CCDC57: variants seen among roughly 807,000 people sequenced by gnomAD.
CCDC57 encodes coiled-coil domain containing 57.
A neutral mutation model predicts 118.9 loss-of-function variants in CCDC57; 118 were observed. The observed-to-expected ratio is 0.99, with a 90% CI of 0.86 to 1.16. CCDC57 has a LOEUF of 1.16. CCDC57 is among the 50% of genes most tolerant of loss of function. CCDC57 has a pLI of 0.00. For synonymous variants in CCDC57, 527 were observed against 532.9 expected, an observed-to-expected ratio of 0.99 and a Z score of 0.15; for missense variants, 1,300 against 1,320.7, an observed-to-expected ratio of 0.98 and a Z score of 0.24.
At chr17:82,204,282 T>A (rs2049338686) in intron 2 of CCDC57, among the ~76,000 whole-genome samples, 1 of 152,076 alleles carries the variant, frequency 6.6e-6, no homozygotes, top group Non-Finnish European at 1.5e-5. Context: ...CTACCGACCA[T>A]CTCAGCACTC....
At chr17:82,125,612 C>G (rs1271418137) in intron 19 of CCDC57, among the ~76,000 whole-genome samples, 1 of 152,030 alleles carries the variant, frequency 6.6e-6, no homozygotes, top group Non-Finnish European at 1.5e-5. Flanking sequence ...CTGACCTCAA[C>G]TGATCCACCT....
chr17:82,157,149 C>T (rs2042775634), intron 15 of CCDC57: 1 of 153,598 alleles, frequency 6.5e-6, no homozygotes, highest in African/African-American at 2.4e-5. Flanking sequence ...TCGGCTCTGC[C>T]AAGCTGCAGA....
At chr17:82,143,853 C>A (rs924203401) in intron 16 of CCDC57, among the ~76,000 whole-genome samples, 4 of 151,294 alleles carry the variant, frequency 2.6e-5, no homozygotes, top group African/African-American at 7.3e-5. Flanking sequence ...AATCCCAGAA[C>A]TTCAGGAGGC....
intron 16 of CCDC57, among the ~76,000 whole-genome samples, chr17:82,137,545 C>T (rs1325132105): frequency 3.9e-5 from 6 of 152,134 alleles, no homozygotes; most frequent in Non-Finnish European, 5.9e-5. Flanking sequence ...CTTTTTGTCA[C>T]TTTCACGTGG....
rs71166198 is a variant in CCDC57 at position 82,184,031 on chromosome 17, G to GCACACACA, written c.1053-107_1053-100dup. The GCACACACA allele has an allele frequency of 2.5e-3, 333 of 131,798 alleles. 8 individuals carry two copies. The highest frequency in any genetic ancestry group is 4.7e-3 in the African/African-American group (111 of 23,706). 8.2% of individuals were successfully genotyped at this position (131,798 alleles called of 1,614,324 possible). A position where few individuals can be genotyped will look rare whatever the true frequency, so the allele number is the denominator to read the frequency against. On this transcript the variant is annotated intron_variant, in intron 8 of 19. Transcript: ENST00000665763. Reference sequence around the variant, plus strand: ...CAAATACACATGCGCGCGCGCGCGCGCACACACACACACACACACACACAC... The same window carrying GCACACACA: ...CAAATACACATGCGCGCGCGCGCGCGCACACACACACACACACACACACACACACACAC...
intron 17 of CCDC57, among the ~76,000 whole-genome samples, chr17:82,128,923 T>C (rs1305542087): frequency 6.9e-6 from 1 of 145,842 alleles, no homozygotes; most frequent in Non-Finnish European, 1.5e-5. Context: ...TGCTTTTTTG[T>C]TTTTTTTTTT....
chr17:82,183,149 A>G (rs1226706244), intron 9 of CCDC57, among the ~76,000 whole-genome samples: 1 of 152,250 alleles, frequency 6.6e-6, no homozygotes, highest in Non-Finnish European at 1.5e-5. Flanking sequence ...AAATGATATC[A>G]TACAGCATAC....
exon 20 of CCDC57, chr17:82,101,541 AG>A (rs2144829827): frequency 1.4e-6 from 1 of 707,806 alleles, no homozygotes; most frequent in East Asian, 2.8e-5. Context: ...TCGCCTCAGC[AG>A]CATTTGGGAG....
chr17:82,123,982 C>CAAAAAAAAAAAAAAAAAAAAAAAAAAAAA, intron 19 of CCDC57, among the ~76,000 whole-genome samples: 1 of 64,304 alleles, frequency 1.6e-5, no homozygotes, highest in Non-Finnish European at 2.9e-5. Context: ...CATCCAAAAG[C>CAAAAAAAAAAAAAAAAAAAAAAAAAAAAA]AAAAAAAAAA....
In CCDC57 at chr17:82,193,967, G is replaced by A. The variant is rs1451673690; in HGVS notation, c.776+15C>T. 6.2e-7 allele frequency: 1 copy of A among 1,601,336 alleles called. No individual in the cohort carries two copies. The highest frequency in any genetic ancestry group is 1.3e-5 in the African/African-American group (1 of 74,642). ...TGCCACAGAGCACGCCTCGGGAGAT[G>A]AAGGACTCGCGCACCGGGCGCGGCT... On this transcript the variant is annotated intron_variant, in intron 6 of 19. Transcript: ENST00000665763.
intron 5 of CCDC57, among the ~76,000 whole-genome samples, chr17:82,194,926 G>A (rs965976161): frequency 1.6e-4 from 24 of 152,260 alleles, no homozygotes; most frequent in African/African-American, 5.5e-4. Flanking sequence ...GGCTGCGCCC[G>A]GCATGGGCAG....
chr17:82,169,212 C>T (rs1390520464), intron 13 of CCDC57, among the ~76,000 whole-genome samples: 5 of 152,112 alleles, frequency 3.3e-5, no homozygotes, highest in East Asian at 3.8e-4. Context: ...CTGCAACCTC[C>T]GCCTCCTGGG....
At chr17:82,159,727 A>AG (rs2043094869) in intron 14 of CCDC57, among the ~76,000 whole-genome samples, 1 of 148,680 alleles carries the variant, frequency 6.7e-6, no homozygotes, top group Non-Finnish European at 1.5e-5. Context: ...GCTGGAGTGC[A>AG]GTAGCGCGAT....
At position 82,205,685 on chromosome 17, in the gene CCDC57, C is replaced by T. The variant is rs577315857; in HGVS notation, c.-9+2162G>A. ...AGGCAGCCAGGACAGGCAGATGGCA[C>T]GTACCACCCCCTCTATGTGAGATGG... is the stretch of plus-strand genomic sequence containing the variant. On this transcript the variant is annotated intron_variant, in intron 2 of 19. Coordinates refer to ENST00000665763, the Ensembl canonical transcript of CCDC57. Among the ~76,000 whole-genome samples the T allele has an allele frequency of 1.2e-4, 18 of 152,320 alleles. 1 individual carries two copies. In the South Asian group the frequency reaches 1.7e-3, roughly 14 times the overall value.
intron 16 of CCDC57, among the ~76,000 whole-genome samples, chr17:82,147,133 A>C (rs1238485206): frequency 6.6e-6 from 1 of 151,956 alleles, no homozygotes; most frequent in Non-Finnish European, 1.5e-5. Flanking sequence ...GGATGATTGG[A>C]TGGATGGGTG....
chr17:82,180,242 T>C (rs2046037075), intron 9 of CCDC57, among the ~76,000 whole-genome samples: 2 of 152,120 alleles, frequency 1.3e-5, no homozygotes, highest in African/African-American at 4.8e-5. Context: ...GCCCCACAGC[T>C]GGAGGGACTG....
intron 16 of CCDC57, among the ~76,000 whole-genome samples, chr17:82,151,147 G>GAACCAGGTGCACACCCAGAACCTGACCCA (rs778159567): frequency 2.7e-5 from 1 of 36,778 alleles, no homozygotes; most frequent in Admixed American, 3.9e-4. Context: ...AACCTGACCC[G>GAACCAGGTGCACACCCAGAACCTGACCCA]CACCTAGAAC....
chr17:82,165,604 A>G (rs1366274374), intron 13 of CCDC57, among the ~76,000 whole-genome samples: 1 of 152,118 alleles, frequency 6.6e-6, no homozygotes, highest in Non-Finnish European at 1.5e-5. Flanking sequence ...ATGGTCCTGC[A>G]GCCTGCTGTG....
At chr17:82,128,400 G>C in intron 18 of CCDC57, 93 bp downstream of exon 17, 1 of 796,360 alleles carries the variant, frequency 1.3e-6, no homozygotes, top group South Asian at 1.7e-5. Flanking sequence ...GCAGAGCGAA[G>C]GCCCCTCCGA....
Sources: gnomAD v4.1 joint callset for allele counts (sites outside exome capture counted in the v4.1 genomes callset) on GRCh38, gnomAD v4.1.1 for gene constraint, MANE v1.5 for transcripts, NCBI Gene and HGNC (gene_info 2026-07-23, HGNC 2026-07-21) for gene names.